The following VPS13B variants were observed in gnomAD, a reference collection of about 807,000 sequenced individuals.
VPS13B encodes vacuolar protein sorting 13 homolog B.
Under a neutral mutation model 426.4 loss-of-function variants are expected in VPS13B, and 285 were observed. The observed-to-expected ratio is 0.67, with a 90% CI of 0.61 to 0.74. VPS13B has a LOEUF of 0.74. Among genes scored for constraint, VPS13B ranks in the 30% least tolerant of loss-of-function variants. The pLI, the probability that VPS13B is intolerant of heterozygous loss-of-function variation, is 0.00. For synonymous variants in VPS13B, 1,676 were observed against 1,676.4 expected, an observed-to-expected ratio of 1.00 and a Z score of 0.01; for missense variants, 4,537 against 4,782.6, an observed-to-expected ratio of 0.95 and a Z score of 1.51.
intron 19 of VPS13B, among the ~76,000 whole-genome samples, chr8:99,365,338 GTTAT>G (rs757971826): frequency 2.7e-5 from 4 of 150,852 alleles, no homozygotes; most frequent in African/African-American, 7.3e-5. Context: ...TGCTTTTCCA[GTTAT>G]TTAAGATATA....
In VPS13B at chr8:99,404,610, A is replaced by T. The variant is rs555008343; in HGVS notation, c.3082+12906A>T. The stretch of plus-strand genomic sequence containing the variant: ...ATATTGTCTAACTTGTAGAAATTTT[A>T]AAAATAGTACTACATAAAGGTCACT... On this transcript the variant is annotated intron_variant, in intron 21 of 61. Coordinates refer to ENST00000357162, the MANE Select transcript of VPS13B (RefSeq NM_152564.5). Among the ~76,000 whole-genome samples, 4 of 152,360 alleles carry T rather than the reference A, an allele frequency of 2.6e-5. No individual in the cohort carries two copies. In the East Asian group the frequency reaches 7.7e-4, roughly 29 times the overall value.
intron 28 of VPS13B, among the ~76,000 whole-genome samples, chr8:99,508,612 A>G (rs1821627257): frequency 6.6e-6 from 1 of 152,128 alleles, no homozygotes; most frequent in Admixed American, 6.5e-5. Flanking sequence ...TGTTGGAGGA[A>G]GTGTTTAGAT....
intron 33 of VPS13B, among the ~76,000 whole-genome samples, chr8:99,600,043 A>C (rs149375541): frequency 1.3e-5 from 2 of 152,296 alleles, no homozygotes; most frequent in African/African-American, 4.8e-5. Context: ...ATACTTCAGT[A>C]AACCTAGCTT....
At chr8:99,131,129 T>C (rs901507774) in intron 8 of VPS13B, among the ~76,000 whole-genome samples, 1 of 152,196 alleles carries the variant, frequency 6.6e-6, no homozygotes, top group Non-Finnish European at 1.5e-5. Context: ...AGTAACCTTT[T>C]CTTTTTGGAA....
chr8:99,381,811 T>C (rs1410052007), intron 19 of VPS13B, among the ~76,000 whole-genome samples: 1 of 152,124 alleles, frequency 6.6e-6, no homozygotes, highest in African/African-American at 2.4e-5. Context: ...TATTAGATCT[T>C]GGTCAGATGC....
chr8:99,629,156 A>G (rs555141833), intron 33 of VPS13B, among the ~76,000 whole-genome samples: 1 of 152,266 alleles, frequency 6.6e-6, no homozygotes, highest in East Asian at 1.9e-4. Flanking sequence ...TCTTTAGTAG[A>G]GTTGTTCTGA....
At chr8:99,516,273 A>T (rs1822064044) in intron 29 of VPS13B, among the ~76,000 whole-genome samples, 1 of 152,198 alleles carries the variant, frequency 6.6e-6, no homozygotes, top group South Asian at 2.1e-4. Flanking sequence ...TAAAGTGTAG[A>T]TAATTCTTAC....
chr8:99,203,800 A>G (rs972199586), intron 17 of VPS13B, among the ~76,000 whole-genome samples: 15 of 152,302 alleles, frequency 9.8e-5, no homozygotes, highest in African/African-American at 3.6e-4. Context: ...TCCAACTTAC[A>G]AGGGATGTGA....
chr8:99,284,653 A>G (rs1354971676), intron 19 of VPS13B, among the ~76,000 whole-genome samples: 1 of 151,904 alleles, frequency 6.6e-6, no homozygotes, highest in Non-Finnish European at 1.5e-5. Flanking sequence ...TGGGCCCAAG[A>G]GATCCTCCTC....
chr8:99,850,509 A>G (rs1318594952), intron 55 of VPS13B, among the ~76,000 whole-genome samples: 1 of 152,176 alleles, frequency 6.6e-6, no homozygotes. Context: ...ATATGTAATT[A>G]TTATTTGATT....
chr8:99,309,902 G>T (rs182275995), intron 19 of VPS13B, among the ~76,000 whole-genome samples: 1 of 152,070 alleles, frequency 6.6e-6, no homozygotes, highest in South Asian at 2.1e-4. Flanking sequence ...CTTCACATCC[G>T]TTGTAAGATG....
chr8:99,225,531 C>T (rs1478511169), intron 17 of VPS13B, among the ~76,000 whole-genome samples: 3 of 152,098 alleles, frequency 2.0e-5, no homozygotes, highest in Non-Finnish European at 2.9e-5. Context: ...CCATCTTGGC[C>T]TAACTGTTAT....
intron 33 of VPS13B, among the ~76,000 whole-genome samples, chr8:99,597,470 T>C (rs926123167): frequency 6.6e-6 from 1 of 151,992 alleles, no homozygotes; most frequent in African/African-American, 2.4e-5. Context: ...ATAAGCAAAC[T>C]TGAGAGACAA....
intron 43 of VPS13B, among the ~76,000 whole-genome samples, chr8:99,789,137 T>G (rs190468692): frequency 6.6e-6 from 1 of 152,310 alleles, no homozygotes; most frequent in East Asian, 1.9e-4. Flanking sequence ...TTTTTTCATT[T>G]GTCTAAAACG....
intron 33 of VPS13B, among the ~76,000 whole-genome samples, chr8:99,608,304 A>T (rs770610148): frequency 1.5e-4 from 22 of 150,778 alleles, no homozygotes; most frequent in Non-Finnish European, 3.0e-4. Flanking sequence ...ACATGCCACC[A>T]TGCCCAGCTA....
intron 19 of VPS13B, among the ~76,000 whole-genome samples, chr8:99,312,988 G>A (rs543557709): frequency 1.3e-5 from 2 of 152,160 alleles, no homozygotes; most frequent in Non-Finnish European, 2.9e-5. Flanking sequence ...CATTTGTCAC[G>A]TAGTTCTCGT....
At chr8:99,606,753 G>A (rs983800501) in intron 33 of VPS13B, among the ~76,000 whole-genome samples, 4 of 150,664 alleles carry the variant, frequency 2.7e-5, no homozygotes, top group Admixed American at 6.7e-5. Flanking sequence ...CTCATCCTCC[G>A]AAGTAGTGGG....
intron 33 of VPS13B, among the ~76,000 whole-genome samples, chr8:99,640,212 T>C (rs1829301368): frequency 6.6e-6 from 1 of 151,982 alleles, no homozygotes; most frequent in Non-Finnish European, 1.5e-5. Context: ...TGTTTGACAA[T>C]ATTCAGTAAC....
At chr8:99,199,392 C>T (rs753518815) in intron 17 of VPS13B, among the ~76,000 whole-genome samples, 1 of 151,912 alleles carries the variant, frequency 6.6e-6, no homozygotes, top group Middle Eastern at 3.4e-3. Flanking sequence ...AGGATGGTCT[C>T]GATCTCCTGA....
Sources: gnomAD v4.1 joint callset for allele counts (sites outside exome capture counted in the v4.1 genomes callset) on GRCh38, gnomAD v4.1.1 for gene constraint, MANE v1.5 for transcripts, NCBI Gene and HGNC (gene_info 2026-07-23, HGNC 2026-07-21) for gene names.